Variants in PITPNC1 observed in about 807,000 individuals in gnomAD.
The protein encoded by PITPNC1 is phosphatidylinositol transfer protein cytoplasmic 1.
Under a neutral mutation model 44.7 loss-of-function variants are expected in PITPNC1, and 18 were observed. The observed-to-expected ratio is 0.40, with a 90% confidence interval of 0.28 to 0.60. The LOEUF is 0.60. PITPNC1 is among the 20% of genes least tolerant of loss of function. The probability of loss-of-function intolerance (pLI) is 0.39; values close to 1 mark genes in which losing one functional copy is unlikely to be tolerated. For synonymous variants in PITPNC1, 141 were observed against 149.6 expected (o/e 0.94, Z 0.42); for missense variants, 290 against 418.4 (o/e 0.69, Z 2.68).
intron 6 of PITPNC1, 34 bp downstream of exon 6, chr17:67,632,272 C>A: frequency 8.4e-7 from 1 of 1,184,176 alleles, no homozygotes; most frequent in Non-Finnish European, 1.3e-6. Flanking sequence ...GTGGAAGATT[C>A]ATTCATTCAT....
intron 1 of PITPNC1, among the ~76,000 whole-genome samples, chr17:67,464,054 A>G (rs973540680): frequency 1.3e-5 from 2 of 152,054 alleles, no homozygotes; most frequent in African/African-American, 4.8e-5. Flanking sequence ...TTGGCCAGGT[A>G]CAGTGGCTCG....
intron 1 of PITPNC1, among the ~76,000 whole-genome samples, chr17:67,515,309 G>A (rs2144097912): frequency 6.6e-6 from 1 of 152,288 alleles, no homozygotes; most frequent in South Asian, 2.1e-4. Context: ...CCAATAGAAG[G>A]AGAACAGGGA....
intron 1 of PITPNC1, among the ~76,000 whole-genome samples, chr17:67,385,474 C>T (rs1009005855): frequency 1.3e-5 from 2 of 151,822 alleles, no homozygotes; most frequent in Admixed American, 6.6e-5. Context: ...TAATGGCTGA[C>T]CACCCCTCCC....
Position 67,443,081 on chromosome 17 carries a change from C to T in PITPNC1, c.48+64879C>T, listed in dbSNP as rs191879398. Among the ~76,000 whole-genome samples the T allele has an allele frequency of 3.0e-3, 462 of 152,026 alleles. 6 individuals are homozygous for T. The highest frequency in any genetic ancestry group is 0.011 in the African/African-American group (437 of 41,518). ...TCTTGTTAATCCAGACTGCTGGGAG[C>T]GAAAATTCAGCCCCCTCGGTTTGGC... On this transcript the variant is annotated intron_variant, in intron 1 of 8. Coordinates refer to ENST00000581322, the MANE Select transcript of PITPNC1 (RefSeq NM_012417.4).
intron 5 of PITPNC1, among the ~76,000 whole-genome samples, chr17:67,621,085 GGCCAA>G (rs1396080513): frequency 6.6e-6 from 1 of 151,974 alleles, no homozygotes; most frequent in African/African-American, 2.4e-5. Flanking sequence ...CACCCCTGCT[GGCCAA>G]ATAATCATCT....
chr17:67,435,887 GC>G (rs1403374105), intron 1 of PITPNC1, among the ~76,000 whole-genome samples: 1 of 152,182 alleles, frequency 6.6e-6, no homozygotes, highest in Admixed American at 6.5e-5. Context: ...AACAATTTCA[GC>G]TAGTGATAAG....
chr17:67,497,222 C>G (rs954794937), intron 1 of PITPNC1, among the ~76,000 whole-genome samples: 1 of 150,912 alleles, frequency 6.6e-6, no homozygotes, highest in African/African-American at 2.4e-5. Context: ...TTATAAACCT[C>G]CTTTTTTTTT....
intron 4 of PITPNC1, among the ~76,000 whole-genome samples, chr17:67,554,370 G>T (rs1022599367): frequency 2.7e-5 from 4 of 146,934 alleles, no homozygotes; most frequent in Non-Finnish European, 5.9e-5. Context: ...CAATTCTCCT[G>T]CCTCAGCCTC....
intron 5 of PITPNC1, among the ~76,000 whole-genome samples, chr17:67,593,166 G>C (rs181561634): frequency 2.0e-5 from 3 of 152,154 alleles, no homozygotes; most frequent in Non-Finnish European, 4.4e-5. Flanking sequence ...TATGGATGCA[G>C]ATGCATTTAT....
chr17:67,416,203 C>CTTTTTTTTTT (rs71687631), intron 1 of PITPNC1, among the ~76,000 whole-genome samples: 25 of 67,612 alleles, frequency 3.7e-4, no homozygotes, highest in Non-Finnish European at 5.7e-4. Flanking sequence ...ACATGTATTG[C>CTTTTTTTTTT]TTTTTTTTTT....
At chr17:67,559,467 A>AT (rs968907463) in intron 4 of PITPNC1, among the ~76,000 whole-genome samples, 1 of 152,048 alleles carries the variant, frequency 6.6e-6, no homozygotes, top group Non-Finnish European at 1.5e-5. Flanking sequence ...GCAGTACATA[A>AT]TTTTTTTTAG....
At chr17:67,617,051 A>T (rs1179929958) in intron 5 of PITPNC1, among the ~76,000 whole-genome samples, 1 of 152,168 alleles carries the variant, frequency 6.6e-6, no homozygotes, top group East Asian at 1.9e-4. Flanking sequence ...GAGTGTTCTA[A>T]CCCTTCCTTC....
intron 6 of PITPNC1, among the ~76,000 whole-genome samples, chr17:67,650,594 A>C (rs2042199503): frequency 6.6e-6 from 1 of 151,854 alleles, no homozygotes; most frequent in South Asian, 2.1e-4. Flanking sequence ...GACTACAGGC[A>C]TGCGCCACCA....
At chr17:67,400,718 C>A (rs2038294791) in intron 1 of PITPNC1, among the ~76,000 whole-genome samples, 1 of 151,628 alleles carries the variant, frequency 6.6e-6, no homozygotes, top group Non-Finnish European at 1.5e-5. Flanking sequence ...CTTCTTATAG[C>A]TGATGTACTC....
intron 6 of PITPNC1, among the ~76,000 whole-genome samples, chr17:67,653,361 T>C (rs1446485623): frequency 6.6e-6 from 1 of 152,148 alleles, no homozygotes; most frequent in Non-Finnish European, 1.5e-5. Context: ...ATGTGATGAC[T>C]TCACTCCAGT....
In PITPNC1 at chr17:67,697,054, AC is replaced by A. The variant is rs2144494994; in HGVS notation, c.*4168del. 1 of 152,388 alleles carries A rather than the reference AC, an allele frequency of 6.6e-6. No homozygotes were observed. Among genetic ancestry groups the A allele is most frequent in the South Asian group, 2.1e-4 (1 of 4,830 alleles). 9.4% of individuals were successfully genotyped at this position (152,388 alleles called of 1,614,324 possible). A position where few individuals can be genotyped will look rare whatever the true frequency, so the allele number is the denominator to read the frequency against. The stretch of plus-strand genomic sequence containing the variant: ...CTTGATTGGTTAAATTAATCCACAT[AC>A]CACTGCCACTGCTGAAGGACCAGGT... On this transcript the variant is annotated 3_prime_UTR_variant, in exon 9 of 9. Coordinates refer to ENST00000581322, the MANE Select transcript of PITPNC1 (RefSeq NM_012417.4).
At chr17:67,672,541 G>A (rs766267480) in intron 7 of PITPNC1, among the ~76,000 whole-genome samples, 1 of 151,864 alleles carries the variant, frequency 6.6e-6, no homozygotes, top group Non-Finnish European at 1.5e-5. Flanking sequence ...AGAGGTTGCA[G>A]TGAGCCTAGG....
chr17:67,591,843 G>A (rs2041395546), intron 5 of PITPNC1, among the ~76,000 whole-genome samples: 1 of 151,816 alleles, frequency 6.6e-6, no homozygotes, highest in Admixed American at 6.6e-5. Flanking sequence ...CTTAGTAGCT[G>A]GGACTACAGG....
At chr17:67,539,711 A>G (rs1481412836) in intron 2 of PITPNC1, among the ~76,000 whole-genome samples, 1 of 151,998 alleles carries the variant, frequency 6.6e-6, no homozygotes, top group Non-Finnish European at 1.5e-5. Context: ...GGTGGCGGGC[A>G]CCTGGAGTCC....
Sources: allele counts gnomAD v4.1 joint callset (sites outside exome capture counted in the v4.1 genomes callset), GRCh38; gene constraint gnomAD v4.1.1; transcripts MANE v1.5; gene names NCBI Gene and HGNC (gene_info 2026-07-23, HGNC 2026-07-21).